ADCY7: variants seen among roughly 807,000 people sequenced by gnomAD.
ADCY7 encodes the protein adenylate cyclase type 7.
A neutral mutation model predicts 120.6 loss-of-function variants in ADCY7; 72 were observed. The observed-to-expected ratio is 0.60, with a 90% CI of 0.49 to 0.73. The LOEUF (loss-of-function observed/expected upper bound fraction) is 0.73. Among genes scored for constraint, ADCY7 ranks in the 30% least tolerant of loss-of-function variants. The pLI, the probability that ADCY7 is intolerant of heterozygous loss-of-function variation, is 0.00. For missense variants in ADCY7, 1,227 were observed against 1,486.0 expected (o/e 0.83, Z 2.87); for synonymous variants, 661 against 628.0 (o/e 1.05, Z -0.78).
chr16:50,252,561 G>A (rs2032790601), intron 1 of ADCY7, among the ~76,000 whole-genome samples: 1 of 152,172 alleles, frequency 6.6e-6, no homozygotes, highest in Non-Finnish European at 1.5e-5. Flanking sequence ...TCATCTCACA[G>A]AGGAGGGGAC....
At chr16:50,291,065 C>T (rs2034921780) in intron 3 of ADCY7, among the ~76,000 whole-genome samples, 1 of 151,988 alleles carries the variant, frequency 6.6e-6, no homozygotes, top group East Asian at 1.9e-4. Flanking sequence ...CGGCTCCAGG[C>T]TGCCCACCCC....
At chr16:50,257,132 C>T (rs999182275) in intron 1 of ADCY7, among the ~76,000 whole-genome samples, 1 of 152,140 alleles carries the variant, frequency 6.6e-6, no homozygotes, top group Non-Finnish European at 1.5e-5. Flanking sequence ...GTCATCTCAG[C>T]TCTTTGGGAG....
At chr16:50,291,973 G>A in intron 4 of ADCY7, 76 bp downstream of exon 4, 3 of 1,478,914 alleles carry the variant, frequency 2.0e-6, no homozygotes, top group East Asian at 2.3e-5. Context: ...CCCCCTCTGG[G>A]TGAATCAGAC....
intron 1 of ADCY7, among the ~76,000 whole-genome samples, chr16:50,278,755 A>G (rs1009081990): frequency 3.3e-5 from 5 of 152,162 alleles, no homozygotes; most frequent in African/African-American, 4.8e-5. Context: ...TTCTAAACAG[A>G]ATACTAGCAG....
Position 50,304,551 on chromosome 16 carries a change from G to A in ADCY7, c.1560G>A (p.Lys520=). ...ACGTCCCCAACGGGCGGAGGCCTAA[G>A]GTAGGTCCCCCTCCCACCCAGAAAG... ...ETHVPNGRRP[K]SVPQRHRRTP... Residue 520 remains lysine (K), a splice_region_variant and synonymous_variant, in exon 11 of 26, where the codon AAG becomes AAA. Coordinates refer to ENST00000673801, the MANE Select transcript of ADCY7 (RefSeq NM_001114.5). 1 of 1,537,394 alleles carries A rather than the reference G, an allele frequency of 6.5e-7. No homozygotes were observed. The highest frequency in any genetic ancestry group is 8.8e-7 in the Non-Finnish European group (1 of 1,139,866).
chr16:50,255,945 C>T (rs1373180283), intron 1 of ADCY7, among the ~76,000 whole-genome samples: 1 of 152,154 alleles, frequency 6.6e-6, no homozygotes. Context: ...GGACTGAAGA[C>T]TTAAACATAA....
Position 50,311,812 on chromosome 16 carries a change from CCCCA to C in ADCY7, c.2448+27_2448+30del, listed in dbSNP as rs200474628. The C allele has an allele frequency of 1.1e-3, 1,460 of 1,341,752 alleles. 32 individuals are homozygous for C. The African/African-American group carries it at 0.018, about 17-fold the overall frequency. The allele number at this position is 1,341,752 out of a possible 1,614,324, so 83.1% of individuals were successfully genotyped here. Reference sequence around the variant, plus strand: ...GTAAGGAGGCTGGCCCCCCCCCCCCCCCCAAGCTCTGCCCACTTTTCCTCACCTC... The same window carrying C: ...GTAAGGAGGCTGGCCCCCCCCCCCCCAGCTCTGCCCACTTTTCCTCACCTC... On this transcript the variant is annotated intron_variant, in intron 20 of 25. Coordinates refer to ENST00000673801, the MANE Select transcript of ADCY7 (RefSeq NM_001114.5).
At chr16:50,280,732 A>C (rs2034206139) in intron 1 of ADCY7, among the ~76,000 whole-genome samples, 1 of 152,108 alleles carries the variant, frequency 6.6e-6, no homozygotes, top group African/African-American at 2.4e-5. Context: ...CTTTTCATTA[A>C]CTGATTCAGC....
chr16:50,258,595 A>AT lies in ADCY7; in HGVS notation c.-64+12408dup, dbSNP rs5816685. 3.5e-3 allele frequency among the ~76,000 whole-genome samples: 489 copies of AT among 140,394 alleles called. 2 individuals carry two copies. Among genetic ancestry groups the AT allele is most frequent in the Middle Eastern group, 0.015 (4 of 266 alleles). 92.1% of individuals were successfully genotyped at this position (140,394 alleles called of 152,430 possible). ...TGATATTCAATGACTTTAAGGTAGT[A>AT]TTTTTTTTTTTTTTTTGAAACATGG... On this transcript the variant is annotated intron_variant, in intron 1 of 4. Coordinates refer to the ADCY7 transcript ENST00000564044.
intron 1 of ADCY7, among the ~76,000 whole-genome samples, chr16:50,251,198 C>G (rs1200092865): frequency 6.6e-6 from 1 of 151,442 alleles, no homozygotes; most frequent in Non-Finnish European, 1.5e-5. Flanking sequence ...TATGATCACT[C>G]TACTGCCCAC....
At chr16:50,265,784 G>A (rs1020911808), upstream of ADCY7, among the ~76,000 whole-genome samples, 5 of 152,226 alleles carry the variant, frequency 3.3e-5, no homozygotes, top group Admixed American at 1.3e-4. Context: ...AGGACCAGGT[G>A]CTGCTGTGGC....
At chr16:50,299,982 G>A (rs550145720) in intron 8 of ADCY7, among the ~76,000 whole-genome samples, 1 of 152,168 alleles carries the variant, frequency 6.6e-6, no homozygotes, top group African/African-American at 2.4e-5. Flanking sequence ...CCAGGGATTG[G>A]GGGGGCATAG....
At chr16:50,262,782 T>C (rs2033094089), upstream of ADCY7, among the ~76,000 whole-genome samples, 1 of 152,124 alleles carries the variant, frequency 6.6e-6, no homozygotes, top group African/African-American at 2.4e-5. Flanking sequence ...CAGGAAAGGA[T>C]TGGGGTTGTG....
intron 22 of ADCY7, 107 bp downstream of exon 22, chr16:50,313,143 C>A: frequency 6.8e-7 from 1 of 1,466,498 alleles, no homozygotes; most frequent in South Asian, 1.3e-5. Flanking sequence ...TGACACAGAG[C>A]TGGGCAAGGT....
rs574218465 is a variant in ADCY7 at position 50,300,957 on chromosome 16, G to A, written c.1235+84G>A. 7.2e-6 allele frequency: 11 copies of A among 1,534,408 alleles called. No homozygotes were observed. The East Asian group carries it at 1.7e-4, about 24-fold the overall frequency. ...GTTCTGCGGTTGGGGGTGGGGGTCAGGTGTGGAGGGAGAGATGAATGTAGA... is the reference window on the plus strand; with the variant it reads ...GTTCTGCGGTTGGGGGTGGGGGTCAAGTGTGGAGGGAGAGATGAATGTAGA... On this transcript the variant is annotated intron_variant, in intron 9 of 25. Transcript: ENST00000673801.
At position 50,309,638 on chromosome 16, in the gene ADCY7, C is replaced by T. The variant is rs200567965; in HGVS notation, c.2152C>T (p.Pro718Ser). The part of the protein sequence containing the change: ...ASSKTRALCE[P>S]LPYYTCSCVL... ...CAGCAAGACAAGAGCCCTGTGTGAGCCCCTCCCGGTGAGTGCGCCGGGCCC... is the reference window on the plus strand; with the variant it reads ...CAGCAAGACAAGAGCCCTGTGTGAGTCCCTCCCGGTGAGTGCGCCGGGCCC... Residue 718 changes from proline to serine, a missense_variant, in exon 18 of 26, where the codon CCC becomes TCC. By Grantham distance (74) the Pro-to-Ser change is moderately conservative. Around this residue, in one of 5 missense-constraint regions of ADCY7, gnomAD observed 267 missense variants for 270.0 expected, o/e 0.99. Coordinates refer to ENST00000673801, the MANE Select transcript of ADCY7 (RefSeq NM_001114.5). 1 of 1,609,822 alleles carries T rather than the reference C, an allele frequency of 6.2e-7. No individual in the cohort carries two copies. The highest frequency in any genetic ancestry group is 1.7e-4 in the Middle Eastern group (1 of 6,058).
At chr16:50,262,688 A>G (rs2033092039), upstream of ADCY7, among the ~76,000 whole-genome samples, 1 of 152,136 alleles carries the variant, frequency 6.6e-6, no homozygotes, top group Non-Finnish European at 1.5e-5. Flanking sequence ...CTCCCAGCCT[A>G]GGAACTTGCA....
At chr16:50,247,036 G>A (rs1440558783) in intron 1 of ADCY7, among the ~76,000 whole-genome samples, 1 of 152,236 alleles carries the variant, frequency 6.6e-6, no homozygotes, top group Non-Finnish European at 1.5e-5. Context: ...GGTCCAGAGT[G>A]ATGCTCCAGA....
chr16:50,277,084 G>T (rs1337726438), intron 1 of ADCY7, among the ~76,000 whole-genome samples: 1 of 152,174 alleles, frequency 6.6e-6, no homozygotes, highest in African/African-American at 2.4e-5. Context: ...TTTGTTCCAG[G>T]CATTGCCATG....
Sources: allele counts gnomAD v4.1 joint callset (sites outside exome capture counted in the v4.1 genomes callset), GRCh38; gene constraint gnomAD v4.1.1; regional missense constraint gnomAD v4.1.1; transcripts MANE v1.5; gene names NCBI Gene and HGNC (gene_info 2026-07-23, HGNC 2026-07-21).